The following ADD2 variants were observed in gnomAD, a reference collection of about 807,000 sequenced individuals.
ADD2 encodes adducin 2, also known as beta-adducin.
In ADD2, 23 loss-of-function variants were observed where a neutral mutation model predicts 83.0. The ratio of observed to expected loss-of-function variants is 0.28; its 90% CI spans 0.20 to 0.39. The LOEUF (loss-of-function observed/expected upper bound fraction) is 0.39, where lower values mean the gene tolerates loss of function less well. Ranked by LOEUF, ADD2 falls within the 10% of genes least tolerant of loss-of-function variation. The pLI, the probability that ADD2 is intolerant of heterozygous loss-of-function variation, is 1.00. For synonymous variants in ADD2, 375 were observed against 375.4 expected (o/e 1.00, Z 0.01); for missense variants, 758 against 944.9 (o/e 0.80, Z 2.59).
intron 12 of ADD2, among the ~76,000 whole-genome samples, chr2:70,677,103 C>T (rs1160203964): frequency 6.6e-6 from 1 of 152,084 alleles, no homozygotes; most frequent in African/African-American, 2.4e-5. Context: ...TTTCATGAAA[C>T]CAGAAGGAGC....
chr2:70,724,156 T>A (rs1381148986), intron 1 of ADD2, among the ~76,000 whole-genome samples: 1 of 152,160 alleles, frequency 6.6e-6, no homozygotes, highest in Admixed American at 6.5e-5. Flanking sequence ...GAAAAAGGTG[T>A]TGGGGTGGAC....
At chr2:70,694,585 G>C (rs1671211913) in intron 6 of ADD2, among the ~76,000 whole-genome samples, 3 of 152,094 alleles carry the variant, frequency 2.0e-5, no homozygotes, top group Admixed American at 2.0e-4. Flanking sequence ...GTATGCATCT[G>C]GGTTTGATGC....
chr2:70,724,727 G>A (rs1553377930), intron 1 of ADD2, among the ~76,000 whole-genome samples: 1 of 152,218 alleles, frequency 6.6e-6, no homozygotes, highest in Admixed American at 6.5e-5. Context: ...CTCCTCTGAC[G>A]CAGAGGCGAG....
chr2:70,672,612 C>T lies in ADD2; in HGVS notation c.1870+266G>A, dbSNP rs558958677. Among the ~76,000 whole-genome samples, 4 of 152,306 alleles carry T rather than the reference C, an allele frequency of 2.6e-5. No individual in the cohort carries two copies. The East Asian group carries it at 5.8e-4, about 22-fold the overall frequency. ...TGCATCTGGAAAGGCCTAACAGCCC[C>T]GGCCATGTCTGAGTTGGGGCAAGGA... On this transcript the variant is annotated intron_variant, in intron 15 of 15. Coordinates refer to ENST00000264436, the MANE Select transcript of ADD2 (RefSeq NM_001617.4).
chr2:70,741,822 T>A (rs532638831), intron 1 of ADD2, among the ~76,000 whole-genome samples: 7 of 152,206 alleles, frequency 4.6e-5, no homozygotes, highest in African/African-American at 1.7e-4. Flanking sequence ...TCATATGGTG[T>A]CTTGGTACTG....
intron 10 of ADD2, 136 bp downstream of exon 10, chr2:70,683,455 T>A: frequency 1.0e-6 from 1 of 975,306 alleles, no homozygotes; most frequent in Non-Finnish European, 1.5e-6. Flanking sequence ...CTAAATCAAA[T>A]TTCCCATCAA....
chr2:70,738,617 CA>C (rs1465529499), intron 1 of ADD2, among the ~76,000 whole-genome samples: 1 of 152,218 alleles, frequency 6.6e-6, no homozygotes, highest in African/African-American at 2.4e-5. Context: ...CCTCATGCTT[CA>C]TCTGTACCAG....
intron 1 of ADD2, among the ~76,000 whole-genome samples, chr2:70,734,190 G>T (rs1469946171): frequency 6.6e-6 from 1 of 152,118 alleles, no homozygotes; most frequent in Admixed American, 6.5e-5. Context: ...CAGACACATG[G>T]GGGAAAAATG....
intron 6 of ADD2, 83 bp downstream of exon 6, chr2:70,695,638 T>C (rs1574254603): frequency 7.5e-7 from 1 of 1,328,644 alleles, no homozygotes; most frequent in Non-Finnish European, 1.1e-6. Context: ...AGTGACCAAT[T>C]TGGAGATGAC....
In ADD2 at chr2:70,706,365, G is replaced by A. The variant is rs1394466370; in HGVS notation, c.44C>T (p.Pro15Leu). The change falls in exon 3 of 16, where the codon CCG becomes CTG. Residue 15 changes from proline to leucine, a missense_variant. Physicochemically the swap from Pro to Leu is moderately conservative, Grantham distance 98. Around this residue, in one of 5 missense-constraint regions of ADD2, gnomAD observed 175 missense variants for 192.1 expected, o/e 0.91. Coordinates refer to ENST00000264436, the MANE Select transcript of ADD2 (RefSeq NM_001617.4). This position sits in a 1 kb window ranked among gnomAD's most constrained non-coding sequence, Gnocchi z 5.0. ...GCGGTCAAAGTAAGGCTGCCCCTGC[G>A]GGGGCGGCGGCGAGGCAGCCTCGGG... is the stretch of plus-strand genomic sequence containing the variant. ...TVPEAASPPP[P>L]QGQPYFDRFS... The A allele has an allele frequency of 1.3e-5, 21 of 1,611,780 alleles. No homozygotes were observed. Among genetic ancestry groups the A allele is most frequent in the African/African-American group, 9.3e-5 (7 of 74,928 alleles).
chr2:70,692,477 G>C lies in ADD2; in HGVS notation c.631C>G (p.Leu211Val). 1 of 1,613,196 alleles carries C rather than the reference G, an allele frequency of 6.2e-7. No homozygotes were observed. The highest frequency in any genetic ancestry group is 1.7e-4 in the Middle Eastern group (1 of 6,058). ...CFPVDTTGFCLHSAIYAARPD... is the reference protein window; with the variant it reads ...CFPVDTTGFCVHSAIYAARPD... ...CTCGCTGCATAGATGGCCGAGTGCA[G>C]ACAGAAGCCTGTGGTGTCCACTGGG... Residue 211 changes from leucine to valine, a missense_variant, in exon 7 of 16, where the codon CTG (leucine) becomes GTG (valine). Transcript: ENST00000264436.
chr2:70,678,383 C>G (rs2104244477), intron 11 of ADD2, among the ~76,000 whole-genome samples: 1 of 152,286 alleles, frequency 6.6e-6, no homozygotes, highest in East Asian at 1.9e-4. Flanking sequence ...AAATGCTCCT[C>G]CCTTGAATTT....
chr2:70,707,603 C>A (rs1390776851), intron 2 of ADD2, among the ~76,000 whole-genome samples: 1 of 152,256 alleles, frequency 6.6e-6, no homozygotes, highest in Non-Finnish European at 1.5e-5. Flanking sequence ...GCAAGGCCTT[C>A]AAATCGGTGC....
chr2:70,747,365 AG>A (rs1433009153), intron 1 of ADD2, among the ~76,000 whole-genome samples: 4 of 152,000 alleles, frequency 2.6e-5, no homozygotes, highest in African/African-American at 9.7e-5. Flanking sequence ...TACAATCCAG[AG>A]CTGTATGGTA....
rs186901862 is a variant in ADD2 at position 70,662,669 on chromosome 2, A to G, written c.*756T>C. 1.3e-5 allele frequency: 2 copies of G among 152,328 alleles called. No homozygotes were observed. The highest frequency in any genetic ancestry group is 1.3e-4 in the Admixed American group (2 of 15,302). 9.4% of individuals were successfully genotyped at this position (152,328 alleles called of 1,614,324 possible). A position where few individuals can be genotyped will look rare whatever the true frequency, so the allele number is the denominator to read the frequency against. On this transcript the variant is annotated 3_prime_UTR_variant, in exon 16 of 16. Coordinates refer to ENST00000264436, the MANE Select transcript of ADD2 (RefSeq NM_001617.4). ...ATGCTAAATTTGGTTTTAGTTTTGA[A>G]GTGCCTGAGATGCACAATTCAAAGG... is the stretch of plus-strand genomic sequence containing the variant.
intron 1 of ADD2, among the ~76,000 whole-genome samples, chr2:70,749,870 C>A (rs561673922): frequency 6.6e-6 from 1 of 152,190 alleles, no homozygotes; most frequent in African/African-American, 2.4e-5. Flanking sequence ...AACCTCTGGA[C>A]TTTCTGGGGA....
At chr2:70,757,073 C>T (rs188927063) in intron 1 of ADD2, among the ~76,000 whole-genome samples, 1 of 152,344 alleles carries the variant, frequency 6.6e-6, no homozygotes, top group East Asian at 1.9e-4. Context: ...AGTGATCCAT[C>T]TGCCTCGGCC....
At chr2:70,750,354 A>C (rs1432340454) in intron 1 of ADD2, among the ~76,000 whole-genome samples, 1 of 152,238 alleles carries the variant, frequency 6.6e-6, no homozygotes, top group Non-Finnish European at 1.5e-5. Context: ...CCAACAATTC[A>C]TATCCACCTG....
intron 1 of ADD2, among the ~76,000 whole-genome samples, chr2:70,757,196 C>T (rs1553384005): frequency 6.6e-6 from 1 of 151,748 alleles, no homozygotes; most frequent in African/African-American, 2.4e-5. Context: ...TCAGAAACAG[C>T]AGTACATGCA....
Sources: gnomAD v4.1 joint callset for allele counts (sites outside exome capture counted in the v4.1 genomes callset) on GRCh38, gnomAD v4.1.1 for gene constraint, gnomAD v4.1.1 regional missense constraint, Gnocchi (gnomAD v3.1) non-coding constraint, MANE v1.5 for transcripts, NCBI Gene and HGNC (gene_info 2026-07-23, HGNC 2026-07-21) for gene names.